Variants in BUD23 observed in about 807,000 individuals in gnomAD.
The protein encoded by BUD23 is BUD23 rRNA methyltransferase and ribosome maturation factor.
Under a neutral mutation model 47.0 loss-of-function variants are expected in BUD23, and 34 were observed. The ratio of observed to expected loss-of-function variants is 0.72; its 90% CI spans 0.55 to 0.96. The LOEUF is 0.96. Among genes scored for constraint, BUD23 ranks in the 40% least tolerant of loss-of-function variants. The probability of loss-of-function intolerance (pLI) is 0.00; values close to 1 mark genes in which losing one functional copy is unlikely to be tolerated. For synonymous variants in BUD23, 124 were observed against 132.0 expected (o/e 0.94, Z 0.41); for missense variants, 343 against 361.2 (o/e 0.95, Z 0.41).
intron 9 of BUD23, 46 bp downstream of exon 9, chr7:73,693,715 C>T: frequency 1.9e-6 from 3 of 1,611,282 alleles, no homozygotes; most frequent in Non-Finnish European, 2.5e-6. Context: ...TTTTGACTTC[C>T]AGGCAGTGGG....
intron 5 of BUD23, among the ~76,000 whole-genome samples, chr7:73,689,990 C>T (rs1798129024): frequency 1.3e-5 from 2 of 151,950 alleles, no homozygotes; most frequent in African/African-American, 4.8e-5. Context: ...GGAAGGAAGA[C>T]ATAGTGACTG....
intron 5 of BUD23, among the ~76,000 whole-genome samples, chr7:73,689,025 G>T (rs1798086825): frequency 6.6e-6 from 1 of 152,208 alleles, no homozygotes; most frequent in Non-Finnish European, 1.5e-5. Context: ...GTTTTTGTTT[G>T]TCTTCGGGGA....
rs782474293 is a variant in BUD23 at position 73,698,024 on chromosome 7, G to A, written c.*138G>A. On this transcript the variant is annotated 3_prime_UTR_variant, in exon 12 of 12. Coordinates refer to ENST00000265758, the MANE Select transcript of BUD23 (RefSeq NM_017528.5). ...AAAAAAAGTTCTCTGGGCCGGGCGT[G>A]GTGGCTCACACCTGTAATCCCAGCA... 16 of 1,022,526 alleles carry A rather than the reference G, an allele frequency of 1.6e-5. No homozygotes were observed. Among genetic ancestry groups the A allele is most frequent in the Non-Finnish European group, 2.2e-5 (16 of 728,274 alleles). 63.3% of individuals were successfully genotyped at this position (1,022,526 alleles called of 1,614,324 possible).
At chr7:73,693,479 AG>A in intron 8 of BUD23, 65 bp downstream of exon 8, 1 of 1,604,586 alleles carries the variant, frequency 6.2e-7, no homozygotes, top group South Asian at 1.1e-5. Flanking sequence ...TAGCCCTTTC[AG>A]GCCACTCAGT....
chr7:73,684,111 C>A, intron 2 of BUD23: 1 of 800,206 alleles, frequency 1.2e-6, no homozygotes, highest in Non-Finnish European at 1.9e-6. Flanking sequence ...GGCGAGGGGT[C>A]AGTCCTGGTG....
rs56229090 is a variant in BUD23, at chr7:73,684,923, C to CAAAAAAA, written c.86+1149_86+1155dup. ...TGGGCGACAGAGCAAGACTTTGTTT[C>CAAAAAAA]AAAAAAAAAAAAAAAAAAAAAAAAA... On this transcript the variant is annotated intron_variant, in intron 2 of 11. Transcript: ENST00000265758. Among the ~76,000 whole-genome samples, 7 of 49,138 alleles carry CAAAAAAA rather than the reference C, an allele frequency of 1.4e-4. 2 individuals carry two copies. Among genetic ancestry groups the CAAAAAAA allele is most frequent in the South Asian group, 9.3e-4 (1 of 1,072 alleles). The allele number at this position is 49,138 out of a possible 152,430, so 32.2% of individuals were successfully genotyped here.
Position 73,697,829 on chromosome 7 carries a change from C to G in BUD23, c.792-3C>G, listed in dbSNP as rs1047422889. The G allele has an allele frequency of 6.2e-7, 1 of 1,613,760 alleles. No individual in the cohort carries two copies. The highest frequency in any genetic ancestry group is 1.3e-5 in the African/African-American group (1 of 74,986). On this transcript the variant is annotated splice_region_variant and splice_polypyrimidine_tract_variant and intron_variant, in intron 11 of 11. Transcript: ENST00000265758. Reference sequence around the variant, plus strand: ...GAGACTGTCCTATTCCTTTTCTGCACAGGGAAGTCAGACCTGACACCCAGT... The same window carrying G: ...GAGACTGTCCTATTCCTTTTCTGCAGAGGGAAGTCAGACCTGACACCCAGT...
At chr7:73,683,837 G>C in intron 2 of BUD23, 33 bp downstream of exon 2, 1 of 1,614,200 alleles carries the variant, frequency 6.2e-7, no homozygotes, top group Non-Finnish European at 8.5e-7. Flanking sequence ...GGGGCGTCCG[G>C]GGGTCGGGAA....
At chr7:73,684,141 C>A in intron 2 of BUD23, 3 of 571,898 alleles carry the variant, frequency 5.2e-6, no homozygotes, top group Non-Finnish European at 5.9e-6. Context: ...AAGTAATGGC[C>A]GTAGGATGCT....
At chr7:73,694,087 G>A in intron 10 of BUD23, 37 bp downstream of exon 10, 1 of 1,588,634 alleles carries the variant, frequency 6.3e-7, no homozygotes, top group Non-Finnish European at 8.5e-7. Context: ...GGCTGCAGCG[G>A]GGGCTGCCAC....
Position 73,693,423 on chromosome 7 carries a change from T to G in BUD23, c.596+9T>G, listed in dbSNP as rs1423749135. ...AGTGCCAAAGCAAAGAAGTGAGCGC[T>G]GGGGGCCGGTGTGCTGCCTGGGCTG... On this transcript the variant is annotated intron_variant, in intron 8 of 11. Transcript: ENST00000265758. 2.5e-5 allele frequency: 41 copies of G among 1,613,868 alleles called. No homozygotes were observed. Among genetic ancestry groups the G allele is most frequent in the Non-Finnish European group, 3.5e-5 (41 of 1,179,958 alleles).
chr7:73,691,026 C>T lies in BUD23; in HGVS notation c.459+14C>T, dbSNP rs2116690587. 2 of 1,611,572 alleles carry T rather than the reference C, an allele frequency of 1.2e-6. No individual in the cohort carries two copies. Among genetic ancestry groups the T allele is most frequent in the East Asian group, 4.5e-5 (2 of 44,870 alleles). ...TTTTCTGTTCTCGTGAGTATAAGATCTTCTCCCCATCTGGGTTAGCTGCCT... is the reference window on the plus strand; with the variant it reads ...TTTTCTGTTCTCGTGAGTATAAGATTTTCTCCCCATCTGGGTTAGCTGCCT... On this transcript the variant is annotated intron_variant, in intron 6 of 11. Coordinates refer to ENST00000265758, the MANE Select transcript of BUD23 (RefSeq NM_017528.5).
chr7:73,694,340 C>G (rs1211712063), intron 10 of BUD23: 1 of 361,224 alleles, frequency 2.8e-6, no homozygotes, highest in Non-Finnish European at 5.0e-6. Context: ...TGATGCTGCC[C>G]TCCACCTGCA....
chr7:73,684,233 A>G (rs782281960), intron 2 of BUD23, among the ~76,000 whole-genome samples: 5 of 152,100 alleles, frequency 3.3e-5, no homozygotes, highest in Non-Finnish European at 5.9e-5. Flanking sequence ...GGTAGTTTGT[A>G]TAACTACTGA....
Position 73,697,608 on chromosome 7 carries a change from C to T in BUD23, c.705C>T (p.Phe235=), listed in dbSNP as rs782120579. 2.5e-6 allele frequency: 4 copies of T among 1,613,500 alleles called. No homozygotes were observed. The highest frequency in any genetic ancestry group is 2.2e-5 in the South Asian group (2 of 91,084). The change falls in exon 11 of 12, where the codon TTC becomes TTT. Residue 235 remains phenylalanine (F), a synonymous_variant. Transcript: ENST00000265758. ...CATAGCTGTGTCTCCGCCACAGGTTCCCATTAAGGATGTCGAGGCGGGGAA... is the reference window on the plus strand; with the variant it reads ...CATAGCTGTGTCTCCGCCACAGGTTTCCATTAAGGATGTCGAGGCGGGGAA... The part of the protein sequence containing the change: ...PRESVFTNER[F]PLRMSRRGMV...
At chr7:73,693,715 C>G (rs907223696) in intron 9 of BUD23, 46 bp downstream of exon 9, 2 of 1,611,282 alleles carry the variant, frequency 1.2e-6, no homozygotes, top group Admixed American at 1.7e-5. Flanking sequence ...TTTTGACTTC[C>G]AGGCAGTGGG....
At chr7:73,692,321 G>A (rs1554614166) in intron 6 of BUD23, among the ~76,000 whole-genome samples, 1 of 152,188 alleles carries the variant, frequency 6.6e-6, no homozygotes, top group Non-Finnish European at 1.5e-5. Context: ...GGAACCAAAA[G>A]TAAACTGAAC....
chr7:73,691,410 C>T (rs1798190327), intron 6 of BUD23, among the ~76,000 whole-genome samples: 3 of 152,068 alleles, frequency 2.0e-5, no homozygotes, highest in Non-Finnish European at 4.4e-5. Flanking sequence ...TTCCAAAGTG[C>T]CCACATCCTT....
chr7:73,683,864 G>T (rs1797827585), intron 2 of BUD23, 60 bp downstream of exon 2: 2 of 1,613,776 alleles, frequency 1.2e-6, no homozygotes, highest in African/African-American at 2.7e-5. Flanking sequence ...AGTTGCCCCT[G>T]TTGCTGGCGT....
Sources: gnomAD v4.1 joint callset for allele counts (sites outside exome capture counted in the v4.1 genomes callset) on GRCh38, gnomAD v4.1.1 for gene constraint, MANE v1.5 for transcripts, NCBI Gene and HGNC (gene_info 2026-07-23, HGNC 2026-07-21) for gene names.